MARCHF1: variants seen among roughly 807,000 people sequenced by gnomAD.
The protein encoded by MARCHF1 is E3 ubiquitin-protein ligase MARCHF1.
A neutral mutation model predicts 54.2 loss-of-function variants in MARCHF1; 40 were observed. The observed-to-expected ratio is 0.74, with a 90% CI of 0.57 to 0.96. The LOEUF (loss-of-function observed/expected upper bound fraction) is 0.96, where lower values mean the gene tolerates loss of function less well. MARCHF1 is among the 40% of genes least tolerant of loss of function. The probability of loss-of-function intolerance (pLI) is 0.00; values close to 1 mark genes in which losing one functional copy is unlikely to be tolerated. For missense variants in MARCHF1, 586 were observed against 656.5 expected, an observed-to-expected ratio of 0.89 and a Z score of 1.17; for synonymous variants, 236 against 236.3, an observed-to-expected ratio of 1.00 and a Z score of 0.01.
At chr4:164,331,820 CT>C (rs1735441139) in intron 1 of MARCHF1, among the ~76,000 whole-genome samples, 1 of 152,264 alleles carries the variant, frequency 6.6e-6, no homozygotes, top group South Asian at 2.1e-4. Context: ...TCTAGCTTAT[CT>C]TTGTCTTTGT....
intron 3 of MARCHF1, among the ~76,000 whole-genome samples, chr4:163,903,395 T>C (rs745401214): frequency 3.3e-5 from 5 of 152,144 alleles, no homozygotes; most frequent in Non-Finnish European, 5.9e-5. Context: ...ATTTCAGAAA[T>C]GCCTGCTTAA....
At chr4:163,878,744 A>G (rs1204633486) in intron 3 of MARCHF1, among the ~76,000 whole-genome samples, 1 of 152,182 alleles carries the variant, frequency 6.6e-6, no homozygotes, top group East Asian at 1.9e-4. Flanking sequence ...ATTAAAAACT[A>G]AATTATGGGT....
intron 2 of MARCHF1, among the ~76,000 whole-genome samples, chr4:164,039,808 T>C (rs543134114): frequency 2.6e-5 from 4 of 152,006 alleles, no homozygotes; most frequent in African/African-American, 9.6e-5. Context: ...GGAAGTGGTC[T>C]TTACTGGGGA....
intron 4 of MARCHF1, among the ~76,000 whole-genome samples, chr4:163,850,181 T>G (rs1212466828): frequency 6.6e-6 from 1 of 152,186 alleles, no homozygotes; most frequent in Non-Finnish European, 1.5e-5. Flanking sequence ...CTATCTTTAT[T>G]GCACCACCAC....
chr4:163,700,515 T>C (rs112992103), intron 5 of MARCHF1, among the ~76,000 whole-genome samples: 2 of 88,530 alleles, frequency 2.3e-5, no homozygotes, highest in East Asian at 2.6e-4. Context: ...AAAAGATAGA[T>C]AGAAAGAAAG....
chr4:163,822,462 T>C (rs534960206), intron 4 of MARCHF1, among the ~76,000 whole-genome samples: 59 of 152,072 alleles, frequency 3.9e-4, no homozygotes, highest in African/African-American at 1.4e-3. Context: ...GAGAATATAA[T>C]AAAATGTGAC....
chr4:164,049,295 A>T (rs142938477), intron 2 of MARCHF1, among the ~76,000 whole-genome samples: 1 of 152,080 alleles, frequency 6.6e-6, no homozygotes, highest in African/African-American at 2.4e-5. Flanking sequence ...GCATGGGGGA[A>T]CCACCCCCGT....
chr4:163,958,928 T>C (rs947505841), intron 3 of MARCHF1, among the ~76,000 whole-genome samples: 2 of 151,980 alleles, frequency 1.3e-5, no homozygotes, highest in Admixed American at 1.3e-4. Context: ...AAGAGGGAAC[T>C]CATCTACCAC....
rs1731255708 is a variant in MARCHF1 at position 164,196,277 on chromosome 4, AT to A, written c.-322-84616del. ...ACACTGTTTTTGCTAAAATAACTAT[AT>A]TCATAATGTCCCCAGGTATGCTTTA... On this transcript the variant is annotated intron_variant, in intron 1 of 9. Coordinates refer to ENST00000514618, the MANE Select transcript of MARCHF1 (RefSeq NM_001394959.1). Among the ~76,000 whole-genome samples, 3 of 152,170 alleles carry A rather than the reference AT, an allele frequency of 2.0e-5. No homozygotes were observed. The South Asian group carries it at 6.2e-4, about 31-fold the overall frequency.
intron 8 of MARCHF1, among the ~76,000 whole-genome samples, chr4:163,563,395 T>G (rs1249773182): frequency 1.3e-5 from 2 of 152,222 alleles, no homozygotes; most frequent in Non-Finnish European, 2.9e-5. Context: ...CGGGTTTAAA[T>G]GTACTATTTT....
chr4:164,067,259 AC>A (rs1467943755), intron 2 of MARCHF1, among the ~76,000 whole-genome samples: 84 of 152,334 alleles, frequency 5.5e-4, no homozygotes, highest in African/African-American at 2.0e-3. Flanking sequence ...TTGACATGGA[AC>A]CAAAGAGGAG....
chr4:164,343,967 A>T (rs564138873), intron 1 of MARCHF1, among the ~76,000 whole-genome samples: 50 of 152,212 alleles, frequency 3.3e-4, no homozygotes, highest in Admixed American at 5.9e-4. Flanking sequence ...AAGTCATGGA[A>T]TCAACCTAAA....
At chr4:163,791,782 T>C (rs531214079) in intron 4 of MARCHF1, among the ~76,000 whole-genome samples, 1 of 152,296 alleles carries the variant, frequency 6.6e-6, no homozygotes, top group East Asian at 1.9e-4. Flanking sequence ...CAACAAAGAC[T>C]CTTCCTTGTA....
chr4:164,110,986 A>G (rs1360604163), intron 2 of MARCHF1, among the ~76,000 whole-genome samples: 5 of 151,822 alleles, frequency 3.3e-5, no homozygotes, highest in Admixed American at 6.6e-5. Flanking sequence ...TTTCTACACA[A>G]TAGCCTTTGG....
intron 5 of MARCHF1, among the ~76,000 whole-genome samples, chr4:163,685,445 T>C (rs1164673010): frequency 3.3e-5 from 5 of 152,126 alleles, no homozygotes; most frequent in African/African-American, 1.2e-4. Context: ...TCTCCAATTA[T>C]TTATTTTATT....
At chr4:164,279,363 T>C (rs1481610764) in intron 1 of MARCHF1, among the ~76,000 whole-genome samples, 1 of 151,448 alleles carries the variant, frequency 6.6e-6, no homozygotes, top group Non-Finnish European at 1.5e-5. Flanking sequence ...TCTTTTGAAA[T>C]AATGATAAAA....
chr4:164,355,422 G>T (rs1325910599), intron 1 of MARCHF1, among the ~76,000 whole-genome samples: 2 of 125,920 alleles, frequency 1.6e-5, no homozygotes, highest in Admixed American at 1.7e-4. Context: ...CAGAGATATA[G>T]ATCAATGGAA....
chr4:164,361,752 T>C (rs1002155681), intron 1 of MARCHF1, among the ~76,000 whole-genome samples: 1 of 152,180 alleles, frequency 6.6e-6, no homozygotes, highest in African/African-American at 2.4e-5. Context: ...TTTTAAATGA[T>C]AACTTACTAA....
chr4:164,326,333 C>T (rs571908460), intron 1 of MARCHF1, among the ~76,000 whole-genome samples: 1 of 152,282 alleles, frequency 6.6e-6, no homozygotes, highest in South Asian at 2.1e-4. Flanking sequence ...TCTAGGCATC[C>T]AGCCAGTGGT....
Sources: allele counts gnomAD v4.1 joint callset (sites outside exome capture counted in the v4.1 genomes callset), GRCh38; gene constraint gnomAD v4.1.1; transcripts MANE v1.5; gene names NCBI Gene and HGNC (gene_info 2026-07-23, HGNC 2026-07-21).